The following DLGAP2 variants were observed in gnomAD, a reference collection of about 807,000 sequenced individuals.
The protein encoded by DLGAP2 is disks large-associated protein 2.
A neutral mutation model predicts 100.3 loss-of-function variants in DLGAP2; 26 were observed. The ratio of observed to expected loss-of-function variants is 0.26; its 90% confidence interval spans 0.19 to 0.36. DLGAP2 has a LOEUF of 0.36. Ranked by LOEUF, DLGAP2 falls within the 10% of genes least tolerant of loss-of-function variation. The pLI, the probability that DLGAP2 is intolerant of heterozygous loss-of-function variation, is 1.00. For synonymous variants in DLGAP2, 886 were observed against 630.1 expected (o/e 1.41, Z -6.08); for missense variants, 1,858 against 1,453.2 (o/e 1.28, Z -4.53).
chr8:1,355,449 C>G (rs1029069913), intron 3 of DLGAP2, among the ~76,000 whole-genome samples: 3 of 152,112 alleles, frequency 2.0e-5, no homozygotes, highest in African/African-American at 7.3e-5. Context: ...ACTGCAACCT[C>G]CACCTCCCGG....
At chr8:865,142 C>T (rs558575182) in intron 1 of DLGAP2, among the ~76,000 whole-genome samples, 2 of 152,328 alleles carry the variant, frequency 1.3e-5, no homozygotes, top group Admixed American at 1.3e-4. Flanking sequence ...TCCAGATCTC[C>T]ACAGGCTCAC....
chr8:754,555 T>C (rs962334732), intron 1 of DLGAP2, among the ~76,000 whole-genome samples: 5 of 152,194 alleles, frequency 3.3e-5, no homozygotes, highest in East Asian at 1.9e-4. Context: ...AGAATAGGGA[T>C]TGAAAAGCAG....
chr8:1,575,455 T>TTTATTAATATTATTATTATTA (rs1802926230), intron 6 of DLGAP2, among the ~76,000 whole-genome samples: 1 of 141,202 alleles, frequency 7.1e-6, no homozygotes, highest in African/African-American at 2.6e-5. Context: ...GAGGATATTC[T>TTTATTAATATTATTATTATTA]TTATTATTAT....
chr8:844,506 C>G (rs550920429), intron 1 of DLGAP2, among the ~76,000 whole-genome samples: 2 of 152,118 alleles, frequency 1.3e-5, no homozygotes, highest in Non-Finnish European at 2.9e-5. Context: ...TCTCGACCCC[C>G]TTTCCAGCCA....
intron 1 of DLGAP2, among the ~76,000 whole-genome samples, chr8:824,531 G>A (rs1433247704): frequency 3.3e-5 from 5 of 152,090 alleles, no homozygotes; most frequent in African/African-American, 1.2e-4. Context: ...ATGGTTTGAG[G>A]ACCCAGTATT....
At chr8:1,591,862 T>A (rs918102911) in intron 6 of DLGAP2, among the ~76,000 whole-genome samples, 1 of 152,144 alleles carries the variant, frequency 6.6e-6, no homozygotes, top group Non-Finnish European at 1.5e-5. Context: ...GCGTCAATAA[T>A]TCTGACATGA....
chr8:806,787 G>T (rs1796278730), intron 1 of DLGAP2, among the ~76,000 whole-genome samples: 1 of 152,184 alleles, frequency 6.6e-6, no homozygotes, highest in South Asian at 2.1e-4. Context: ...TTTGAAATAT[G>T]ATGTCGCTCT....
At chr8:1,417,693 G>GGGCACGGAGA in intron 3 of DLGAP2, among the ~76,000 whole-genome samples, 13 of 93,160 alleles carry the variant, frequency 1.4e-4, no homozygotes, top group African/African-American at 5.5e-4. Context: ...GGGCACAGGG[G>GGGCACGGAGA]GCCCCACTCC....
chr8:1,692,380 C>T (rs577725089), intron 13 of DLGAP2, among the ~76,000 whole-genome samples: 56 of 57,936 alleles, frequency 9.7e-4, no homozygotes, highest in South Asian at 1.7e-3. Context: ...GAGGCGGATA[C>T]GGCCCTGGTT....
At chr8:1,242,011 G>C (rs1281043352) in intron 2 of DLGAP2, among the ~76,000 whole-genome samples, 2 of 152,204 alleles carry the variant, frequency 1.3e-5, no homozygotes, top group African/African-American at 4.8e-5. Context: ...TCCAGGGAAT[G>C]GTACGCAGGT....
chr8:1,558,518 T>G (rs1390020106), intron 5 of DLGAP2, among the ~76,000 whole-genome samples: 1 of 152,036 alleles, frequency 6.6e-6, no homozygotes, highest in Non-Finnish European at 1.5e-5. Context: ...TAGGCATGCA[T>G]GCACACCCAT....
At chr8:877,174 T>G (rs1006492423) in intron 1 of DLGAP2, among the ~76,000 whole-genome samples, 8 of 152,218 alleles carry the variant, frequency 5.3e-5, no homozygotes, top group African/African-American at 1.9e-4. Context: ...TGTTTTTTCA[T>G]TGTATGGATC....
At chr8:1,055,648 G>A (rs978343843) in intron 2 of DLGAP2, among the ~76,000 whole-genome samples, 31 of 152,188 alleles carry the variant, frequency 2.0e-4, no homozygotes, top group South Asian at 6.2e-4. Flanking sequence ...AACAGCCGTC[G>A]GATAGGCCGT....
At chr8:833,108 A>G (rs1329281549) in intron 1 of DLGAP2, among the ~76,000 whole-genome samples, 1 of 152,214 alleles carries the variant, frequency 6.6e-6, no homozygotes, top group African/African-American at 2.4e-5. Context: ...ACCTGTCTTC[A>G]TGCTGTGTTC....
intron 3 of DLGAP2, among the ~76,000 whole-genome samples, chr8:1,463,572 C>T (rs1798521617): frequency 6.6e-6 from 1 of 152,260 alleles, no homozygotes; most frequent in Non-Finnish European, 1.5e-5. Context: ...TCCGGCCTCG[C>T]GTTGAGGGGT....
chr8:1,007,146 T>G (rs1240471119), intron 2 of DLGAP2, among the ~76,000 whole-genome samples: 1 of 152,096 alleles, frequency 6.6e-6, no homozygotes, highest in African/African-American at 2.4e-5. Flanking sequence ...CTTTATCACG[T>G]CGGGTATGCC....
intron 6 of DLGAP2, among the ~76,000 whole-genome samples, chr8:1,592,181 C>T (rs1796313230): frequency 6.6e-6 from 1 of 152,210 alleles, no homozygotes; most frequent in African/African-American, 2.4e-5. Flanking sequence ...CTCCTGGCCG[C>T]AGCTCTCCAT....
rs1026336026 is a variant in DLGAP2, at chr8:1,177,044, A to C, written c.74-81807A>C. Among the ~76,000 whole-genome samples the C allele has an allele frequency of 2.0e-5, 3 of 152,172 alleles. No individual in the cohort carries two copies. The South Asian group carries it at 6.2e-4, about 32-fold the overall frequency. On this transcript the variant is annotated intron_variant, in intron 2 of 14. Coordinates refer to ENST00000637795, the MANE Select transcript of DLGAP2 (RefSeq NM_001346810.2). ...AGATCATCGTTGATGTCGCATTAAC[A>C]CTTCAAAAAATTATACTTTCTTTGG...
chr8:1,618,155 C>G (rs368148106), intron 6 of DLGAP2, among the ~76,000 whole-genome samples: 2 of 152,282 alleles, frequency 1.3e-5, no homozygotes, highest in South Asian at 4.1e-4. Context: ...AAGGAAGGAG[C>G]TCCTTCCATG....
Sources: gnomAD v4.1 joint callset for allele counts (sites outside exome capture counted in the v4.1 genomes callset) on GRCh38, gnomAD v4.1.1 for gene constraint, MANE v1.5 for transcripts, NCBI Gene and HGNC (gene_info 2026-07-23, HGNC 2026-07-21) for gene names.